SPOCK1: variants seen among roughly 807,000 people sequenced by gnomAD.
The protein encoded by SPOCK1 is testican-1.
In SPOCK1, 23 loss-of-function variants were observed where a neutral mutation model predicts 55.3. That is an observed-to-expected ratio of 0.42 (90% CI 0.30 to 0.59). SPOCK1 has a LOEUF of 0.59. SPOCK1 is among the 20% of genes least tolerant of loss of function. The pLI, the probability that SPOCK1 is intolerant of heterozygous loss-of-function variation, is 0.22. For synonymous variants in SPOCK1, 226 were observed against 221.0 expected (o/e 1.02, Z -0.20); for missense variants, 499 against 552.5 (o/e 0.90, Z 0.97).
chr5:136,999,106 G>A (rs748455840), intron 6 of SPOCK1, among the ~76,000 whole-genome samples: 1 of 152,186 alleles, frequency 6.6e-6, no homozygotes, highest in Non-Finnish European at 1.5e-5. Flanking sequence ...GGATTTGAAT[G>A]CAGACAGTGT....
In SPOCK1 at chr5:137,327,849, G is replaced by C. The variant is rs183979953; in HGVS notation, c.187-60794C>G. Among the ~76,000 whole-genome samples, 46 of 152,290 alleles carry C rather than the reference G, an allele frequency of 3.0e-4. 1 individual carries two copies. In the East Asian group the frequency reaches 8.9e-3, roughly 29 times the overall value. ...CATGCCCATTTGTCTGTTCTAGAGT[G>C]GGCCTTCCTAACATGGGAAATAATC... is the stretch of plus-strand genomic sequence containing the variant. On this transcript the variant is annotated intron_variant, in intron 2 of 10. Coordinates refer to ENST00000394945, the MANE Select transcript of SPOCK1 (RefSeq NM_004598.4).
chr5:137,015,181 C>T (rs997196283), intron 6 of SPOCK1, among the ~76,000 whole-genome samples: 4 of 152,014 alleles, frequency 2.6e-5, no homozygotes, highest in African/African-American at 7.3e-5. Context: ...GTGGCCCATG[C>T]CTGTAATCCC....
intron 6 of SPOCK1, among the ~76,000 whole-genome samples, chr5:137,042,945 C>T (rs984421552): frequency 5.9e-5 from 9 of 151,962 alleles, no homozygotes; most frequent in Admixed American, 4.6e-4. Flanking sequence ...ACAACATTCC[C>T]GAAGTAGTGA....
chr5:137,409,797 C>A (rs528857727), intron 2 of SPOCK1, among the ~76,000 whole-genome samples: 1 of 152,314 alleles, frequency 6.6e-6, no homozygotes, highest in South Asian at 2.1e-4. Flanking sequence ...GAACTCCATT[C>A]CTTCCATCAT....
At position 137,413,233 on chromosome 5, in the gene SPOCK1, G is replaced by T. The variant is rs200721468; in HGVS notation, c.186+85140C>A. Among the ~76,000 whole-genome samples, 981 of 151,896 alleles carry T rather than the reference G, an allele frequency of 6.5e-3. 1 individual carries two copies. Among genetic ancestry groups the T allele is most frequent in the Non-Finnish European group, 0.011 (737 of 67,936 alleles). ...CTCATTGACTCTTCGTCTATTTTGG[G>T]TTTTTTTTCCCCAGAATTATACTGC... On this transcript the variant is annotated intron_variant, in intron 2 of 10. Coordinates refer to ENST00000394945, the MANE Select transcript of SPOCK1 (RefSeq NM_004598.4).
intron 2 of SPOCK1, among the ~76,000 whole-genome samples, 168 bp downstream of exon 2, chr5:137,498,205 G>C (rs1479643061): frequency 6.6e-6 from 1 of 151,308 alleles, no homozygotes; most frequent in Non-Finnish European, 1.5e-5. Flanking sequence ...AGGCAAGACC[G>C]CACCCAGGAA....
intron 5 of SPOCK1, among the ~76,000 whole-genome samples, chr5:137,079,543 C>CG (rs572128078): frequency 1.6e-4 from 23 of 147,940 alleles, no homozygotes; most frequent in Admixed American, 4.7e-4. Flanking sequence ...TCCCCCCCCC[C>CG]CCGACTTAGT....
Position 136,977,696 on chromosome 5 carries a change from G to T in SPOCK1, c.*958C>A. On this transcript the variant is annotated 3_prime_UTR_variant, in exon 11 of 11. Coordinates refer to ENST00000394945, the MANE Select transcript of SPOCK1 (RefSeq NM_004598.4). ...CTTGTGAAGCTGCCCGTGTCGTGTGGGAGTCGCATGGCTTCTGCGAGAAAA... is the reference window on the plus strand; with the variant it reads ...CTTGTGAAGCTGCCCGTGTCGTGTGTGAGTCGCATGGCTTCTGCGAGAAAA... The T allele has an allele frequency of 2.5e-6, 1 of 398,278 alleles. No individual in the cohort carries two copies. Among genetic ancestry groups the T allele is most frequent in the Non-Finnish European group, 4.4e-6 (1 of 225,788 alleles). The allele number at this position is 398,278 out of a possible 1,614,324, so 24.7% of individuals were successfully genotyped here. A position where few individuals can be genotyped will look rare whatever the true frequency, so the allele number is the denominator to read the frequency against.
intron 7 of SPOCK1, among the ~76,000 whole-genome samples, chr5:136,989,177 T>C (rs1261968923): frequency 1.3e-5 from 2 of 152,362 alleles, no homozygotes; most frequent in East Asian, 3.9e-4. Flanking sequence ...CCTGCCTCTG[T>C]TCCCCACTCT....
intron 3 of SPOCK1, among the ~76,000 whole-genome samples, chr5:137,225,780 G>A (rs530217047): frequency 2.6e-5 from 4 of 152,324 alleles, no homozygotes; most frequent in Non-Finnish European, 5.9e-5. Context: ...CTGGTACAGG[G>A]ATCACATTTT....
intron 2 of SPOCK1, among the ~76,000 whole-genome samples, chr5:137,363,529 T>C (rs1201622487): frequency 6.6e-6 from 1 of 152,168 alleles, no homozygotes; most frequent in Non-Finnish European, 1.5e-5. Context: ...CAGCTCTGCA[T>C]CACCTTGGGT....
chr5:137,378,021 C>T (rs562415465), intron 2 of SPOCK1, among the ~76,000 whole-genome samples: 46 of 148,940 alleles, frequency 3.1e-4, no homozygotes, highest in African/African-American at 1.0e-3. Flanking sequence ...GTTGGCTCAC[C>T]GCAACCTCCG....
intron 3 of SPOCK1, among the ~76,000 whole-genome samples, chr5:137,265,552 T>G (rs17724666): frequency 0.12 from 17,544 of 152,230 alleles, 1,302 homozygotes; most frequent in East Asian, 0.25. Context: ...GTTTTAAAAT[T>G]TTTGATCACT....
intron 3 of SPOCK1, among the ~76,000 whole-genome samples, chr5:137,211,482 A>T (rs1412557105): frequency 1.3e-5 from 2 of 152,226 alleles, no homozygotes; most frequent in Non-Finnish European, 2.9e-5. Context: ...TTCTATAGAT[A>T]CAGAATGTTT....
chr5:136,991,032 A>G (rs878950721), intron 7 of SPOCK1, among the ~76,000 whole-genome samples: 24 of 152,296 alleles, frequency 1.6e-4, no homozygotes, highest in African/African-American at 5.3e-4. Flanking sequence ...TGGGCTAACC[A>G]ACATCATGCT....
intron 2 of SPOCK1, among the ~76,000 whole-genome samples, chr5:137,464,205 G>A (rs987263332): frequency 6.6e-6 from 1 of 152,150 alleles, no homozygotes; most frequent in African/African-American, 2.4e-5. Context: ...TGGGGGCTGA[G>A]GCAAGAGAAT....
At position 137,420,307 on chromosome 5, in the gene SPOCK1, T is replaced by G. The variant is rs576657623; in HGVS notation, c.186+78066A>C. Among the ~76,000 whole-genome samples, 37 of 152,374 alleles carry G rather than the reference T, an allele frequency of 2.4e-4. No homozygotes were observed. In the South Asian group the frequency reaches 7.5e-3, roughly 31 times the overall value. On this transcript the variant is annotated intron_variant, in intron 2 of 10. Coordinates refer to ENST00000394945, the MANE Select transcript of SPOCK1 (RefSeq NM_004598.4). ...CTTTGGTATCAGGATGATGCTGGCC[T>G]CATAAAATGAGTTAGGGAGGATTTC... is the stretch of plus-strand genomic sequence containing the variant.
intron 3 of SPOCK1, among the ~76,000 whole-genome samples, chr5:137,244,098 G>C (rs1233874837): frequency 2.0e-5 from 3 of 152,184 alleles, no homozygotes; most frequent in Non-Finnish European, 2.9e-5. Flanking sequence ...AAAATTCAGT[G>C]AGTATAAAAA....
At chr5:137,435,790 G>GT (rs1752852370) in intron 2 of SPOCK1, among the ~76,000 whole-genome samples, 1 of 138,556 alleles carries the variant, frequency 7.2e-6, no homozygotes, top group Non-Finnish European at 1.6e-5. Context: ...TGTTGCATGT[G>GT]TTTTTCTTAG....
Sources: allele counts gnomAD v4.1 joint callset (sites outside exome capture counted in the v4.1 genomes callset), GRCh38; gene constraint gnomAD v4.1.1; transcripts MANE v1.5; gene names NCBI Gene and HGNC (gene_info 2026-07-23, HGNC 2026-07-21).